Variants in ACKR2 observed in about 807,000 individuals in gnomAD.
ACKR2 encodes atypical chemokine receptor 2, also known as C-C chemokine receptor D6.
For missense variants in ACKR2, 457 were observed against 477.3 expected (o/e 0.96, Z 0.40); for synonymous variants, 207 against 192.2 (o/e 1.08, Z -0.64).
intron 2 of ACKR2, among the ~76,000 whole-genome samples, chr3:42,844,624 A>G (rs1701073806): frequency 6.6e-6 from 1 of 152,214 alleles, no homozygotes; most frequent in Non-Finnish European, 1.5e-5. Flanking sequence ...GACGAGGGCC[A>G]CCAATGGTGC....
chr3:42,811,020 T>G (rs1159193656), intron 1 of ACKR2, among the ~76,000 whole-genome samples: 2 of 152,122 alleles, frequency 1.3e-5, no homozygotes, highest in African/African-American at 4.8e-5. Flanking sequence ...CGGCTAACTT[T>G]TGTATATTTA....
chr3:42,854,193 A>G (rs1008707642), intron 2 of ACKR2, among the ~76,000 whole-genome samples: 1 of 152,210 alleles, frequency 6.6e-6, no homozygotes, highest in African/African-American at 2.4e-5. Context: ...AGGTTTGACA[A>G]GAAGCTCTGG....
intron 2 of ACKR2, among the ~76,000 whole-genome samples, chr3:42,853,585 G>A (rs1020629285): frequency 1.3e-5 from 2 of 152,092 alleles, no homozygotes; most frequent in Non-Finnish European, 2.9e-5. Flanking sequence ...TTTTCTTTGA[G>A]TGGTATTGTA....
intron 2 of ACKR2, among the ~76,000 whole-genome samples, chr3:42,842,985 C>CAAA (rs199716542): frequency 1.2e-4 from 10 of 80,840 alleles, no homozygotes; most frequent in Admixed American, 2.2e-4. Flanking sequence ...ACTCTGTCTC[C>CAAA]AAAAAAAAAA....
chr3:42,813,601 AC>A (rs960041563), intron 1 of ACKR2, among the ~76,000 whole-genome samples: 6 of 152,130 alleles, frequency 3.9e-5, no homozygotes, highest in Admixed American at 3.9e-4. Flanking sequence ...GAGAAAGTCC[AC>A]CCCCGTGATC....
chr3:42,864,878 A>G lies in ACKR2; in HGVS notation c.376A>G (p.Ile126Val), dbSNP rs2088417365. ...LCKMVSTLYT[I>V]NFYSGIFFIS... ...CAAGATGGTGAGCACTCTTTATACT[A>G]TTAACTTTTACAGTGGCATCTTTTT... The change falls in exon 3 of 3, where the codon ATT becomes GTT. Residue 126 changes from isoleucine to valine, a missense_variant. By Grantham distance (29) the Ile-to-Val change is conservative (BLOSUM62 3). Transcript: ENST00000422265. The G allele has an allele frequency of 6.2e-7, 1 of 1,614,048 alleles. No homozygotes were observed. Among genetic ancestry groups the G allele is most frequent in the South Asian group, 1.1e-5 (1 of 91,074 alleles).
At position 42,843,465 on chromosome 3, in the gene ACKR2, C is replaced by A. The variant is rs1701061327; in HGVS notation, c.-37-21001C>A. ...TATTATTTTGTGAAACTTTTTTTTT[C>A]AGGTGTGTGTATGTGTACAATAGAC... is the stretch of plus-strand genomic sequence containing the variant. On this transcript the variant is annotated intron_variant, in intron 2 of 2. Transcript: ENST00000422265. Among the ~76,000 whole-genome samples, 3 of 151,658 alleles carry A rather than the reference C, an allele frequency of 2.0e-5. No individual in the cohort carries two copies. In the South Asian group the frequency reaches 6.2e-4, roughly 32 times the overall value.
chr3:42,858,562 G>A (rs968215019), intron 2 of ACKR2, among the ~76,000 whole-genome samples: 1 of 152,146 alleles, frequency 6.6e-6, no homozygotes, highest in African/African-American at 2.4e-5. Context: ...CCATGAAGAT[G>A]AGGAAAAACC....
intron 2 of ACKR2, among the ~76,000 whole-genome samples, chr3:42,826,707 T>C (rs193036810): frequency 2.6e-4 from 40 of 152,320 alleles, no homozygotes; most frequent in African/African-American, 9.4e-4. Flanking sequence ...TGATTTTCTC[T>C]ATTGTATTCA....
chr3:42,846,602 C>G (rs1701100223), intron 2 of ACKR2, among the ~76,000 whole-genome samples: 1 of 152,156 alleles, frequency 6.6e-6, no homozygotes, highest in Non-Finnish European at 1.5e-5. Context: ...CAAAGCTGTC[C>G]TGGGCTGCAT....
At chr3:42,828,341 C>T (rs1352425585) in intron 2 of ACKR2, among the ~76,000 whole-genome samples, 2 of 152,042 alleles carry the variant, frequency 1.3e-5, no homozygotes, top group Non-Finnish European at 2.9e-5. Flanking sequence ...GAACTCCTGA[C>T]CTCAGGTGAT....
chr3:42,815,043 G>C (rs1204201586), intron 1 of ACKR2, among the ~76,000 whole-genome samples: 5 of 152,208 alleles, frequency 3.3e-5, no homozygotes, highest in Admixed American at 3.3e-4. Flanking sequence ...AGCAGAGTCA[G>C]AGAGAATAAT....
chr3:42,816,167 C>T (rs1700747058), intron 1 of ACKR2, among the ~76,000 whole-genome samples: 1 of 149,372 alleles, frequency 6.7e-6, no homozygotes, highest in Non-Finnish European at 1.5e-5. Flanking sequence ...CTCAGCTAAC[C>T]TATAAACACA....
intron 2 of ACKR2, among the ~76,000 whole-genome samples, chr3:42,825,577 A>ATGTGTGTG (rs113371609): frequency 1.1e-3 from 161 of 148,812 alleles, no homozygotes; most frequent in Middle Eastern, 6.8e-3. Flanking sequence ...GTTAGCTCTG[A>ATGTGTGTG]TGTGTGTGTG....
chr3:42,836,250 T>C (rs768337305), intron 2 of ACKR2, among the ~76,000 whole-genome samples: 4 of 152,144 alleles, frequency 2.6e-5, no homozygotes, highest in Non-Finnish European at 5.9e-5. Context: ...CAAAACTAAA[T>C]AAAACTTTGT....
intron 2 of ACKR2, among the ~76,000 whole-genome samples, chr3:42,860,939 C>T (rs1234535032): frequency 6.6e-6 from 1 of 152,024 alleles, no homozygotes; most frequent in African/African-American, 2.4e-5. Flanking sequence ...AGCCTAACAT[C>T]ACAATTAAAA....
chr3:42,849,088 T>C (rs2125617846), intron 2 of ACKR2, among the ~76,000 whole-genome samples: 1 of 152,324 alleles, frequency 6.6e-6, no homozygotes, highest in African/African-American at 2.4e-5. Flanking sequence ...GAAAGGACAT[T>C]AGTGGGACAA....
In ACKR2 at chr3:42,865,033, C is replaced by T. The variant is rs143299259; in HGVS notation, c.531C>T (p.Ile177=). Residue 177 remains isoleucine, a synonymous_variant, in exon 3 of 3, where the codon ATC becomes ATT. Transcript: ENST00000422265. ...IVWAVSLAVS[I]PDMVFVQTHE... ...GGGCTGTGTCCCTGGCCGTCTCCAT[C>T]CCTGATATGGTCTTTGTACAGACAC... 3.6e-4 allele frequency: 577 copies of T among 1,614,064 alleles called. No homozygotes were observed. Among genetic ancestry groups the T allele is most frequent in the Non-Finnish European group, 4.7e-4 (551 of 1,180,052 alleles).
chr3:42,858,614 TCTC>T (rs1575392199), intron 2 of ACKR2, among the ~76,000 whole-genome samples: 2 of 139,822 alleles, frequency 1.4e-5, no homozygotes, highest in Admixed American at 8.1e-5. Context: ...GAACACCTCT[TCTC>T]CTCCAAATGA....
Sources: gnomAD v4.1 joint callset for allele counts (sites outside exome capture counted in the v4.1 genomes callset) on GRCh38, gnomAD v4.1.1 for gene constraint, MANE v1.5 for transcripts, NCBI Gene and HGNC (gene_info 2026-07-23, HGNC 2026-07-21) for gene names.